DPYD: variants seen among roughly 807,000 people sequenced by gnomAD.
DPYD encodes dihydropyrimidine dehydrogenase.
In DPYD, 109 loss-of-function variants were observed where a neutral mutation model predicts 116.2. The observed-to-expected ratio is 0.94, with a 90% CI of 0.80 to 1.10. The LOEUF (loss-of-function observed/expected upper bound fraction) is 1.10. Among genes scored for constraint, DPYD ranks in the 50% least tolerant of loss-of-function variants. The pLI, the probability that DPYD is intolerant of heterozygous loss-of-function variation, is 0.00. For missense variants in DPYD, 1,302 were observed against 1,254.5 expected (o/e 1.04, Z -0.57); for synonymous variants, 440 against 432.0 (o/e 1.02, Z -0.23).
chr1:97,255,196 G>A (rs553690905), intron 18 of DPYD, among the ~76,000 whole-genome samples: 29 of 152,276 alleles, frequency 1.9e-4, no homozygotes, highest in African/African-American at 5.8e-4. Context: ...TCTTCAGGGA[G>A]CAAAGCTTCA....
rs117005370 is a variant in DPYD at position 97,118,204 on chromosome 1, A to G, written c.2623-19572T>C. The stretch of plus-strand genomic sequence containing the variant: ...ACTGACCTTGCTGATGCAAGGGGGA[A>G]GTGACATCCCTTAGAGGCCAGCACA... On this transcript the variant is annotated intron_variant, in intron 20 of 22. Transcript: ENST00000370192. 1.4e-4 allele frequency among the ~76,000 whole-genome samples: 22 copies of G among 152,116 alleles called. No homozygotes were observed. The East Asian group carries it at 3.7e-3, about 25-fold the overall frequency.
chr1:97,289,697 A>C (rs182392824), intron 18 of DPYD, among the ~76,000 whole-genome samples: 1 of 152,318 alleles, frequency 6.6e-6, no homozygotes, highest in East Asian at 1.9e-4. Flanking sequence ...TCAAAATCAT[A>C]AGAGCTATCT....
chr1:97,611,566 G>C (rs893480392), intron 8 of DPYD, among the ~76,000 whole-genome samples: 1 of 151,966 alleles, frequency 6.6e-6, no homozygotes, highest in Non-Finnish European at 1.5e-5. Flanking sequence ...TCTATAATTA[G>C]TATTAAATAA....
chr1:97,793,768 G>A (rs1473442956), intron 3 of DPYD, among the ~76,000 whole-genome samples: 3 of 152,136 alleles, frequency 2.0e-5, no homozygotes, highest in Non-Finnish European at 4.4e-5. Flanking sequence ...AACTTCTAGA[G>A]GAAAACATGG....
chr1:97,623,271 A>G (rs182543561), intron 8 of DPYD, among the ~76,000 whole-genome samples: 1 of 152,232 alleles, frequency 6.6e-6, no homozygotes, highest in Admixed American at 6.6e-5. Context: ...AGTCTGAATA[A>G]CAAAGGCAAG....
chr1:97,559,036 G>C (rs916569209), intron 11 of DPYD, among the ~76,000 whole-genome samples: 1 of 152,096 alleles, frequency 6.6e-6, no homozygotes, highest in Non-Finnish European at 1.5e-5. Flanking sequence ...CTGCTTGAAG[G>C]AATAGATCAT....
chr1:97,764,437 G>A (rs1665737968), intron 3 of DPYD, among the ~76,000 whole-genome samples: 1 of 151,896 alleles, frequency 6.6e-6, no homozygotes, highest in African/African-American at 2.4e-5. Context: ...ATCTATTCTG[G>A]TTTAGTACAA....
chr1:97,818,410 C>T (rs1668744808), intron 3 of DPYD, among the ~76,000 whole-genome samples: 1 of 151,890 alleles, frequency 6.6e-6, no homozygotes, highest in South Asian at 2.1e-4. Context: ...CAGATTTGTA[C>T]TTGATAATTA....
intron 21 of DPYD, among the ~76,000 whole-genome samples, chr1:97,086,764 AAT>A (rs1308902937): frequency 3.3e-5 from 5 of 152,198 alleles, no homozygotes; most frequent in African/African-American, 9.6e-5. Context: ...ATAAAAAAAA[AAT>A]CATAAGATAA....
chr1:97,311,952 T>A (rs1346905395), intron 16 of DPYD, among the ~76,000 whole-genome samples: 2 of 150,564 alleles, frequency 1.3e-5, no homozygotes, highest in Non-Finnish European at 2.9e-5. Context: ...GGTGTTAAAG[T>A]GGACAGAGAG....
intron 13 of DPYD, among the ~76,000 whole-genome samples, chr1:97,480,101 T>C (rs974572399): frequency 2.0e-5 from 3 of 152,180 alleles, no homozygotes; most frequent in African/African-American, 7.2e-5. Context: ...CAAGGTGTAA[T>C]GTGTTGAAAC....
At chr1:97,547,833 A>G (rs755133446) in intron 12 of DPYD, among the ~76,000 whole-genome samples, 3 of 151,984 alleles carry the variant, frequency 2.0e-5, no homozygotes, top group Non-Finnish European at 2.9e-5. Flanking sequence ...TGAGATTCCT[A>G]CATTTCTGGG....
At chr1:97,410,027 C>G (rs1673889334) in intron 14 of DPYD, among the ~76,000 whole-genome samples, 1 of 151,702 alleles carries the variant, frequency 6.6e-6, no homozygotes, top group Non-Finnish European at 1.5e-5. Flanking sequence ...GATGGCTCCA[C>G]TGCACTCCAG....
chr1:97,839,898 G>C (rs903872208), intron 2 of DPYD, among the ~76,000 whole-genome samples: 1 of 152,130 alleles, frequency 6.6e-6, no homozygotes, highest in African/African-American at 2.4e-5. Context: ...AGACTGAAAA[G>C]CATTTTATAA....
chr1:97,309,219 T>G (rs1558017388), intron 16 of DPYD, among the ~76,000 whole-genome samples: 1 of 151,768 alleles, frequency 6.6e-6, no homozygotes. Context: ...TAAAAATGTC[T>G]AATACACAAA....
intron 4 of DPYD, among the ~76,000 whole-genome samples, chr1:97,740,042 G>A (rs1362138542): frequency 6.6e-6 from 1 of 152,006 alleles, no homozygotes; most frequent in East Asian, 1.9e-4. Flanking sequence ...CACTTTCATA[G>A]ATATTTCACA....
chr1:97,546,456 T>C (rs920647310), intron 12 of DPYD: 1 of 1,602,714 alleles, frequency 6.2e-7, no homozygotes, highest in African/African-American at 1.3e-5. Flanking sequence ...AAGATGATGG[T>C]AGTGACAGAG....
intron 13 of DPYD, among the ~76,000 whole-genome samples, chr1:97,501,330 A>G (rs957629064): frequency 6.6e-6 from 1 of 152,068 alleles, no homozygotes; most frequent in African/African-American, 2.4e-5. Flanking sequence ...TTTACTATGA[A>G]TTATACCCCC....
intron 13 of DPYD, among the ~76,000 whole-genome samples, chr1:97,466,363 A>G (rs1048499444): frequency 7.2e-5 from 11 of 152,198 alleles, no homozygotes; most frequent in African/African-American, 2.7e-4. Context: ...GTTATAAGGA[A>G]CATCATCATG....
Sources: gnomAD v4.1 joint callset for allele counts (sites outside exome capture counted in the v4.1 genomes callset) on GRCh38, gnomAD v4.1.1 for gene constraint, MANE v1.5 for transcripts, NCBI Gene and HGNC (gene_info 2026-07-23, HGNC 2026-07-21) for gene names.